The following PRDM11 variants were observed in gnomAD, a reference collection of about 807,000 sequenced individuals.
PRDM11 encodes the protein PR domain-containing protein 11.
A neutral mutation model predicts 97.8 loss-of-function variants in PRDM11; 20 were observed. The ratio of observed to expected loss-of-function variants is 0.20; its 90% CI spans 0.14 to 0.30. PRDM11 has a LOEUF of 0.30. Among genes scored for constraint, PRDM11 ranks in the 10% least tolerant of loss-of-function variants. The pLI, the probability that PRDM11 is intolerant of heterozygous loss-of-function variation, is 1.00. For missense variants in PRDM11, 1,139 were observed against 1,555.2 expected, an observed-to-expected ratio of 0.73 and a Z score of 4.50; for synonymous variants, 599 against 637.7, an observed-to-expected ratio of 0.94 and a Z score of 0.91.
intron 1 of PRDM11, among the ~76,000 whole-genome samples, chr11:45,152,110 C>T (rs551883939): frequency 2.6e-5 from 4 of 152,138 alleles, no homozygotes; most frequent in African/African-American, 9.7e-5. Flanking sequence ...CTCTGTCACC[C>T]AAGCTAGAAT....
chr11:45,227,853 G>T lies in PRDM11; in HGVS notation c.3228G>T (p.Gln1076His). The T allele has an allele frequency of 6.5e-7, 1 of 1,533,920 alleles. No individual in the cohort carries two copies. Among genetic ancestry groups the T allele is most frequent in the South Asian group, 1.2e-5 (1 of 83,962 alleles). ...QRFPLLNKII[Q>H]VLKVLPTSTA... Reference sequence around the variant, plus strand: ...TTCCACTCTTGAACAAGATCATCCAGGTTCTTAAAGTCCTCCCCACTTCCA... The same window carrying T: ...TTCCACTCTTGAACAAGATCATCCATGTTCTTAAAGTCCTCCCCACTTCCA... The change falls in exon 8 of 8, where the codon CAG becomes CAT. Residue 1076 changes from glutamine to histidine, a missense_variant. Coordinates refer to ENST00000683152, the MANE Select transcript of PRDM11 (RefSeq NM_001384648.1). The surrounding 1 kb of genome is among the most constrained non-coding windows in gnomAD (Gnocchi z 8.0).
chr11:45,167,914 C>G (rs1319641240), intron 1 of PRDM11, among the ~76,000 whole-genome samples: 1 of 152,120 alleles, frequency 6.6e-6, no homozygotes, highest in Non-Finnish European at 1.5e-5. Context: ...CAAGCATCTT[C>G]TGATTTAGAC....
chr11:45,112,249 A>C (rs1852198351), intron 1 of PRDM11, among the ~76,000 whole-genome samples: 2 of 152,228 alleles, frequency 1.3e-5, no homozygotes, highest in African/African-American at 4.8e-5. Flanking sequence ...CTCCAGCTCC[A>C]ACCAAGTTGC....
In PRDM11 at chr11:45,226,365, GA is replaced by G; in HGVS notation, c.1742del (p.Lys581ArgfsTer9). The G allele has an allele frequency of 6.5e-7, 1 of 1,533,998 alleles. No individual in the cohort carries two copies. Among genetic ancestry groups the G allele is most frequent in the Non-Finnish European group, 8.7e-7 (1 of 1,146,752 alleles). ...TGTACAAGCTCCGCATGCACCCGGA[GA>G]AGACAGAGGAGATGTGTCGCAACAT... ...QLYKLRMHPE[K>X]TEEMCRNMTL... On this transcript the variant is annotated frameshift_variant, in exon 8 of 8. Coordinates refer to ENST00000683152, the MANE Select transcript of PRDM11 (RefSeq NM_001384648.1). LOFTEE classifies it high-confidence loss of function.
intron 1 of PRDM11, among the ~76,000 whole-genome samples, chr11:45,111,327 G>T (rs1258259363): frequency 1.7e-5 from 1 of 58,376 alleles, no homozygotes; most frequent in African/African-American, 3.3e-5. Context: ...CTTACGGGGT[G>T]CCCTCTATGC....
At chr11:45,167,706 A>AGGATGTTTAG (rs1259428563) in intron 1 of PRDM11, among the ~76,000 whole-genome samples, 2 of 151,834 alleles carry the variant, frequency 1.3e-5, no homozygotes, top group Non-Finnish European at 2.9e-5. Context: ...ATACTCAGCA[A>AGGATGTTTAG]GGATGTTTAG....
chr11:45,146,825 C>T lies in PRDM11; in HGVS notation c.-59C>T, dbSNP rs1851520843. 1 of 146,492 alleles carries T rather than the reference C, an allele frequency of 6.8e-6. No homozygotes were observed. Among genetic ancestry groups the T allele is most frequent in the Non-Finnish European group, 1.5e-5 (1 of 65,780 alleles). 9.1% of individuals were successfully genotyped at this position (146,492 alleles called of 1,614,324 possible). ...CGCGCCGCCTCCGCCGAGCCGCCCGCCGGGCCGCTCTCGCCGCCCGGGCCC... is the reference window on the plus strand; with the variant it reads ...CGCGCCGCCTCCGCCGAGCCGCCCGTCGGGCCGCTCTCGCCGCCCGGGCCC... On this transcript the variant is annotated 5_prime_UTR_variant, in exon 1 of 8. Coordinates refer to ENST00000683152, the MANE Select transcript of PRDM11 (RefSeq NM_001384648.1).
chr11:45,183,594 A>G (rs974139267), intron 4 of PRDM11, among the ~76,000 whole-genome samples: 6 of 152,222 alleles, frequency 3.9e-5, no homozygotes, highest in Non-Finnish European at 8.8e-5. Flanking sequence ...ACGATCTGGT[A>G]GGAAGACAGG....
At chr11:45,182,135 C>A in intron 2 of PRDM11, 111 bp from the exon 3 acceptor site, 1 of 946,708 alleles carries the variant, frequency 1.1e-6, no homozygotes, top group Non-Finnish European at 1.6e-6. Flanking sequence ...GACTCCTCTG[C>A]CCACCCCACA....
At chr11:45,173,939 G>T (rs1852266058) in intron 1 of PRDM11, among the ~76,000 whole-genome samples, 1 of 152,160 alleles carries the variant, frequency 6.6e-6, no homozygotes. Context: ...GTAAAAGCTG[G>T]CTGAGTATAT....
rs189011354 is a variant in PRDM11, at chr11:45,148,228, C to G, written c.-7+1351C>G. The stretch of plus-strand genomic sequence containing the variant: ...ATTCAGTTTAATGGAAAGGCTTTCT[C>G]TCTTTGAATTCTACCTCCTCCTCAT... On this transcript the variant is annotated intron_variant, in intron 1 of 7. Coordinates refer to ENST00000683152, the MANE Select transcript of PRDM11 (RefSeq NM_001384648.1). 5.2e-3 allele frequency among the ~76,000 whole-genome samples: 791 copies of G among 152,254 alleles called. 9 individuals carry two copies. The highest frequency in any genetic ancestry group is 0.015 in the African/African-American group (635 of 41,508).
intron 5 of PRDM11, among the ~76,000 whole-genome samples, chr11:45,206,777 G>T (rs1230297497): frequency 6.6e-6 from 1 of 152,242 alleles, no homozygotes; most frequent in Non-Finnish European, 1.5e-5. Context: ...CCACTGCTCT[G>T]TACAGATCTT....
chr11:45,113,788 TTGTGTG>T (rs142584346), intron 1 of PRDM11, among the ~76,000 whole-genome samples: 60,926 of 137,088 alleles, frequency 0.44, 15,601 homozygotes, highest in Non-Finnish European at 0.56. Flanking sequence ...TGCTACTGAT[TTGTGTG>T]TGTGTGTGTG....
At chr11:45,196,475 A>G (rs940685322) in intron 4 of PRDM11, among the ~76,000 whole-genome samples, 2 of 152,124 alleles carry the variant, frequency 1.3e-5, no homozygotes, top group Non-Finnish European at 2.9e-5. Context: ...TCCAGTTTAC[A>G]TTTTTGCTGC....
At chr11:45,107,763 G>A (rs1852087404) in intron 1 of PRDM11, among the ~76,000 whole-genome samples, 2 of 151,936 alleles carry the variant, frequency 1.3e-5, no homozygotes, top group Admixed American at 1.3e-4. Context: ...AATTAAACTA[G>A]TTAATATACA....
intron 4 of PRDM11, among the ~76,000 whole-genome samples, chr11:45,186,779 T>C (rs1203643031): frequency 6.6e-6 from 1 of 152,172 alleles, no homozygotes; most frequent in Non-Finnish European, 1.5e-5. Flanking sequence ...ATACTCTTCC[T>C]CGAAACAGTC....
chr11:45,132,269 G>A (rs2135649156), intron 1 of PRDM11, among the ~76,000 whole-genome samples: 1 of 152,256 alleles, frequency 6.6e-6, no homozygotes, highest in South Asian at 2.1e-4. Context: ...AGCTTTGCCA[G>A]CCAAGAAGAA....
intron 5 of PRDM11, among the ~76,000 whole-genome samples, chr11:45,208,223 T>C (rs1382650011): frequency 2.0e-5 from 3 of 152,064 alleles, no homozygotes; most frequent in Non-Finnish European, 2.9e-5. Flanking sequence ...TGCCTGCACA[T>C]ATGCAAAGGT....
At chr11:45,096,571 C>A (rs1390773297) in intron 1 of PRDM11, among the ~76,000 whole-genome samples, 1 of 152,100 alleles carries the variant, frequency 6.6e-6, no homozygotes, top group Non-Finnish European at 1.5e-5. Flanking sequence ...ATTATTCTGG[C>A]CAGGCTCTCC....
Sources: gnomAD v4.1 joint callset for allele counts (sites outside exome capture counted in the v4.1 genomes callset) on GRCh38, gnomAD v4.1.1 for gene constraint, Gnocchi (gnomAD v3.1) non-coding constraint, MANE v1.5 for transcripts, NCBI Gene and HGNC (gene_info 2026-07-23, HGNC 2026-07-21) for gene names.